NCAM2: variants seen among roughly 807,000 people sequenced by gnomAD.
NCAM2 encodes neural cell adhesion molecule 2, also known as N-CAM-2.
In NCAM2, 30 loss-of-function variants were observed where a neutral mutation model predicts 98.1. That is an observed-to-expected ratio of 0.31 (90% CI 0.23 to 0.41). The LOEUF is 0.41. Ranked by LOEUF, NCAM2 falls within the 10% of genes least tolerant of loss-of-function variation. The probability of loss-of-function intolerance (pLI) is 1.00; values close to 1 mark genes in which losing one functional copy is unlikely to be tolerated. For missense variants in NCAM2, 867 were observed against 1,005.8 expected (o/e 0.86, Z 1.87); for synonymous variants, 368 against 342.4 (o/e 1.07, Z -0.83).
intron 1 of NCAM2, among the ~76,000 whole-genome samples, chr21:21,095,559 A>G (rs2066104455): frequency 6.6e-6 from 1 of 151,586 alleles, no homozygotes; most frequent in Non-Finnish European, 1.5e-5. Context: ...GTAAGTATGG[A>G]GGAAAAATAA....
At chr21:21,165,890 T>G (rs1228497389) in intron 1 of NCAM2, among the ~76,000 whole-genome samples, 1 of 152,140 alleles carries the variant, frequency 6.6e-6, no homozygotes, top group African/African-American at 2.4e-5. Flanking sequence ...AAAGCAGTCT[T>G]TGTGCCTTGG....
At chr21:21,301,410 G>A (rs1393760550) in intron 5 of NCAM2, among the ~76,000 whole-genome samples, 2 of 143,644 alleles carry the variant, frequency 1.4e-5, no homozygotes, top group South Asian at 2.2e-4. Context: ...TATACTTTAA[G>A]TTTTAGGGTA....
chr21:21,340,517 CT>C (rs1190032192), intron 8 of NCAM2, among the ~76,000 whole-genome samples: 1 of 151,872 alleles, frequency 6.6e-6, no homozygotes, highest in East Asian at 1.9e-4. Flanking sequence ...AAAAACACAT[CT>C]TGTTTTAAGA....
chr21:21,398,647 G>C (rs1008523653), intron 9 of NCAM2, among the ~76,000 whole-genome samples: 2 of 152,168 alleles, frequency 1.3e-5, no homozygotes, highest in African/African-American at 4.8e-5. Context: ...GTTTTAAGCA[G>C]GATAGTTACA....
chr21:21,353,574 T>G (rs1215557126), intron 8 of NCAM2, among the ~76,000 whole-genome samples: 1 of 152,164 alleles, frequency 6.6e-6, no homozygotes, highest in Non-Finnish European at 1.5e-5. Context: ...CTCAGGCCAC[T>G]CTTAAGTGAT....
chr21:21,404,647 A>G (rs1391606908), intron 9 of NCAM2, among the ~76,000 whole-genome samples: 1 of 152,006 alleles, frequency 6.6e-6, no homozygotes, highest in East Asian at 1.9e-4. Flanking sequence ...ATATGTATAT[A>G]TAGTATGTAT....
intron 1 of NCAM2, among the ~76,000 whole-genome samples, chr21:21,233,538 A>T (rs536927156): frequency 9.2e-5 from 14 of 151,728 alleles, no homozygotes; most frequent in Non-Finnish European, 2.1e-4. Flanking sequence ...AGCTAATAAG[A>T]TACTACAAAA....
intron 15 of NCAM2, among the ~76,000 whole-genome samples, chr21:21,478,726 A>G (rs1483240394): frequency 6.6e-6 from 1 of 152,128 alleles, no homozygotes; most frequent in Admixed American, 6.5e-5. Flanking sequence ...TTTTTTTACT[A>G]TTTTCAAAGC....
At chr21:21,231,514 G>A (rs1183523138) in intron 1 of NCAM2, among the ~76,000 whole-genome samples, 2 of 151,232 alleles carry the variant, frequency 1.3e-5, no homozygotes, top group Non-Finnish European at 3.0e-5. Context: ...TATTATTATG[G>A]ACAATTGCTA....
Position 21,020,259 on chromosome 21 carries a change from C to T in NCAM2, c.55+21641C>T, listed in dbSNP as rs186818842. On this transcript the variant is annotated intron_variant, in intron 1 of 17. Transcript: ENST00000400546. ...CCGTGTTGGCCAGGCTGGTCTCAAA[C>T]TCCTGACCTCAGGTAATCCGCCCGC... 1.7e-3 allele frequency among the ~76,000 whole-genome samples: 264 copies of T among 152,222 alleles called. 2 individuals are homozygous for T. The highest frequency in any genetic ancestry group is 6.1e-3 in the African/African-American group (252 of 41,554).
intron 1 of NCAM2, among the ~76,000 whole-genome samples, chr21:21,071,941 G>C (rs7282635): frequency 0.31 from 46,425 of 149,142 alleles, 7,815 homozygotes; most frequent in African/African-American, 0.43. Context: ...GAGACGGAGT[G>C]TTGCTCTGTT....
rs146976478 is a variant in NCAM2, at chr21:21,224,713, A to T, written c.56-55865A>T. Among the ~76,000 whole-genome samples, 702 of 152,248 alleles carry T rather than the reference A, an allele frequency of 4.6e-3. 6 individuals carry two copies. Among genetic ancestry groups the T allele is most frequent in the African/African-American group, 0.016 (646 of 41,552 alleles). ...GCAGACAAAGACTGAACCTGAACAG[A>T]TGCCCTTATATTGGGAAGCCTATTG... On this transcript the variant is annotated intron_variant, in intron 1 of 17. Transcript: ENST00000400546.
At chr21:21,214,743 A>ATG (rs985781027) in intron 1 of NCAM2, among the ~76,000 whole-genome samples, 3 of 104,704 alleles carry the variant, frequency 2.9e-5, no homozygotes, top group African/African-American at 9.1e-5. Context: ...ATATATATAT[A>ATG]TATACACTAT....
chr21:21,399,230 G>A (rs537394135), intron 9 of NCAM2, among the ~76,000 whole-genome samples: 81 of 152,232 alleles, frequency 5.3e-4, no homozygotes, highest in East Asian at 3.3e-3. Flanking sequence ...CTGTCCTTGC[G>A]TATTATGAGC....
intron 1 of NCAM2, among the ~76,000 whole-genome samples, chr21:21,244,856 A>AAAAAC (rs994521489): frequency 1.1e-4 from 16 of 151,364 alleles, no homozygotes; most frequent in African/African-American, 3.9e-4. Context: ...AAAAAAAAAA[A>AAAAAC]AAAAAAAAGG....
chr21:21,316,697 C>A (rs2074233147), intron 5 of NCAM2, among the ~76,000 whole-genome samples: 1 of 151,942 alleles, frequency 6.6e-6, no homozygotes, highest in African/African-American at 2.4e-5. Context: ...GTGCCTACCA[C>A]CACGCTCAGC....
At chr21:21,323,618 A>G (rs1286869741) in intron 5 of NCAM2, among the ~76,000 whole-genome samples, 2 of 152,116 alleles carry the variant, frequency 1.3e-5, no homozygotes, top group Non-Finnish European at 2.9e-5. Context: ...GATGCTAGTG[A>G]TTTGTTTATT....
At chr21:21,201,487 C>A (rs745385995) in intron 1 of NCAM2, among the ~76,000 whole-genome samples, 4 of 152,126 alleles carry the variant, frequency 2.6e-5, no homozygotes, top group Admixed American at 6.6e-5. Flanking sequence ...CTATGAAATT[C>A]TGACAAACTA....
intron 15 of NCAM2, among the ~76,000 whole-genome samples, chr21:21,487,517 G>GTGT (rs1491140481): frequency 6.6e-6 from 1 of 151,912 alleles, no homozygotes; most frequent in East Asian, 1.9e-4. Flanking sequence ...ATGTCCAATG[G>GTGT]TGTGTGTATT....
Sources: allele counts gnomAD v4.1 joint callset (sites outside exome capture counted in the v4.1 genomes callset), GRCh38; gene constraint gnomAD v4.1.1; transcripts MANE v1.5; gene names NCBI Gene and HGNC (gene_info 2026-07-23, HGNC 2026-07-21).